The following MEGF11 variants were observed in gnomAD, a reference collection of about 807,000 sequenced individuals.
MEGF11 encodes multiple EGF like domains 11, also known as multiple epidermal growth factor-like domains protein 11.
In MEGF11, 126 loss-of-function variants were observed where a neutral mutation model predicts 146.6. The ratio of observed to expected loss-of-function variants is 0.86; its 90% CI spans 0.74 to 1.00. The LOEUF is 1.00. MEGF11 is among the 50% of genes least tolerant of loss of function. The pLI is 0.00. For missense variants in MEGF11, 1,509 were observed against 1,521.2 expected, an observed-to-expected ratio of 0.99 and a Z score of 0.13; for synonymous variants, 532 against 583.4, an observed-to-expected ratio of 0.91 and a Z score of 1.27.
At chr15:65,998,032 T>C (rs1016657764) in intron 5 of MEGF11, among the ~76,000 whole-genome samples, 1 of 149,626 alleles carries the variant, frequency 6.7e-6, no homozygotes, top group African/African-American at 2.5e-5. Flanking sequence ...CGGGCAGGGG[T>C]GGGGGGCACT....
intron 1 of MEGF11, among the ~76,000 whole-genome samples, chr15:66,220,299 C>A (rs543442275): frequency 1.3e-5 from 2 of 151,698 alleles, no homozygotes; most frequent in East Asian, 3.9e-4. Context: ...ACGAATACAC[C>A]GTGGAATACT....
chr15:65,946,654 A>G (rs1160115916), intron 10 of MEGF11, among the ~76,000 whole-genome samples: 1 of 152,108 alleles, frequency 6.6e-6, no homozygotes, highest in Admixed American at 6.5e-5. Flanking sequence ...CGGCCTCCCA[A>G]AGTGCTGGGA....
At chr15:66,000,151 C>T (rs1336577190) in intron 5 of MEGF11, among the ~76,000 whole-genome samples, 1 of 152,200 alleles carries the variant, frequency 6.6e-6, no homozygotes, top group Non-Finnish European at 1.5e-5. Context: ...GGGTGCTCCC[C>T]ACTAGCTCTG....
intron 5 of MEGF11, among the ~76,000 whole-genome samples, chr15:66,049,534 G>A (rs1226645866): frequency 1.3e-5 from 2 of 152,110 alleles, no homozygotes; most frequent in African/African-American, 2.4e-5. Flanking sequence ...GGGGACTTGC[G>A]CCTGTGGAAG....
chr15:66,141,777 G>A (rs746459244), intron 1 of MEGF11, among the ~76,000 whole-genome samples: 11 of 152,292 alleles, frequency 7.2e-5, no homozygotes, highest in Non-Finnish European at 5.9e-5. Context: ...CCTGAACCAT[G>A]TTAGGTCACA....
chr15:65,986,088 A>T (rs1417296556), intron 5 of MEGF11, among the ~76,000 whole-genome samples: 3 of 151,994 alleles, frequency 2.0e-5, no homozygotes, highest in Non-Finnish European at 4.4e-5. Context: ...AGTAGCTGGG[A>T]TCACAGGCAC....
intron 1 of MEGF11, among the ~76,000 whole-genome samples, chr15:66,241,016 C>T (rs564961944): frequency 9.4e-4 from 143 of 152,330 alleles, no homozygotes; most frequent in Middle Eastern, 3.4e-3. Flanking sequence ...GACGTTGAAA[C>T]ATCCATGGTG....
At position 66,110,978 on chromosome 15, in the gene MEGF11, C is replaced by T. The variant is rs79934285; in HGVS notation, c.301+8108G>A. Among the ~76,000 whole-genome samples the T allele has an allele frequency of 1.8e-4, 28 of 152,254 alleles. No individual in the cohort carries two copies. The East Asian group carries it at 3.9e-3, about 21-fold the overall frequency. On this transcript the variant is annotated intron_variant, in intron 4 of 25. Transcript: ENST00000395614. ...CCTCCCCTGCCCTCTTGACTGACCC[C>T]ACTTCTCTCTTCTGGCCACAGGTTT...
intron 3 of MEGF11, among the ~76,000 whole-genome samples, chr15:66,121,181 C>G (rs1238099389): frequency 6.6e-6 from 1 of 152,122 alleles, no homozygotes; most frequent in African/African-American, 2.4e-5. Context: ...GGATGGCAGC[C>G]CTAGCCTCCA....
chr15:65,918,663 A>C (rs565986834), intron 15 of MEGF11, among the ~76,000 whole-genome samples: 4 of 152,148 alleles, frequency 2.6e-5, no homozygotes, highest in Non-Finnish European at 4.4e-5. Context: ...CATCTTCCTC[A>C]AGAAAGCCCT....
chr15:66,244,312 G>A lies in MEGF11; in HGVS notation c.-9+9293C>T, dbSNP rs193063910. On this transcript the variant is annotated intron_variant, in intron 1 of 25. Coordinates refer to ENST00000395614, the MANE Select transcript of MEGF11 (RefSeq NM_001385028.1). ...CCCATTAGTAAGTCCTCTCCTGCTC[G>A]TTACTGGCTCTACCCCTCTTTTCTG... Among the ~76,000 whole-genome samples the A allele has an allele frequency of 2.9e-3, 439 of 152,206 alleles. 1 individual carries two copies. Among genetic ancestry groups the A allele is most frequent in the African/African-American group, 3.9e-3 (160 of 41,526 alleles).
intron 4 of MEGF11, among the ~76,000 whole-genome samples, chr15:66,108,670 C>G (rs1292512235): frequency 6.6e-6 from 1 of 152,170 alleles, no homozygotes; most frequent in Non-Finnish European, 1.5e-5. Flanking sequence ...ACTGCCAAGG[C>G]TTCCTGTGTA....
intron 21 of MEGF11, 121 bp downstream of exon 21, chr15:65,911,961 T>G: frequency 2.2e-6 from 1 of 449,556 alleles, no homozygotes; most frequent in Non-Finnish European, 3.7e-6. Flanking sequence ...TTTTAATGTA[T>G]TGGTGGTCAG....
chr15:66,222,575 C>T (rs550407333), intron 1 of MEGF11, among the ~76,000 whole-genome samples: 114 of 152,306 alleles, frequency 7.5e-4, no homozygotes, highest in African/African-American at 2.5e-3. Context: ...GGGCAAGGAC[C>T]GGGTCTCATT....
intron 1 of MEGF11, among the ~76,000 whole-genome samples, chr15:66,141,623 A>G (rs2089172370): frequency 6.6e-6 from 1 of 152,054 alleles, no homozygotes; most frequent in East Asian, 1.9e-4. Context: ...ACAAGAGAAA[A>G]GTCAATCTGC....
chr15:66,190,530 C>T (rs145425312), intron 1 of MEGF11, among the ~76,000 whole-genome samples: 167 of 152,274 alleles, frequency 1.1e-3, no homozygotes, highest in African/African-American at 3.9e-3. Context: ...ACACTTGAGG[C>T]TAAACCAAGC....
At chr15:66,221,948 T>C (rs1272116909) in intron 1 of MEGF11, among the ~76,000 whole-genome samples, 7 of 152,280 alleles carry the variant, frequency 4.6e-5, no homozygotes, top group African/African-American at 1.4e-4. Context: ...GTATTCCTAA[T>C]TGTGCTTGTT....
chr15:66,210,343 A>C (rs2091412465), intron 1 of MEGF11, among the ~76,000 whole-genome samples: 1 of 152,162 alleles, frequency 6.6e-6, no homozygotes, highest in Admixed American at 6.5e-5. Flanking sequence ...TCAGCACCTG[A>C]GAGTGAGTGC....
At chr15:66,004,416 T>A (rs1441346111) in intron 5 of MEGF11, among the ~76,000 whole-genome samples, 2 of 80,664 alleles carry the variant, frequency 2.5e-5, no homozygotes, top group Non-Finnish European at 6.4e-5. Context: ...GCTTCAAGTA[T>A]TTTTGTAATA....
Sources: gnomAD v4.1 joint callset for allele counts (sites outside exome capture counted in the v4.1 genomes callset) on GRCh38, gnomAD v4.1.1 for gene constraint, MANE v1.5 for transcripts, NCBI Gene and HGNC (gene_info 2026-07-23, HGNC 2026-07-21) for gene names.